TNIP3: variants seen among roughly 807,000 people sequenced by gnomAD.
TNIP3 encodes the protein TNFAIP3 interacting protein 3, also known as TNFAIP3-interacting protein 3.
A neutral mutation model predicts 54.1 loss-of-function variants in TNIP3; 34 were observed. The ratio of observed to expected loss-of-function variants is 0.63; its 90% confidence interval spans 0.48 to 0.84. TNIP3 has a LOEUF of 0.84. Among genes scored for constraint, TNIP3 ranks in the 40% least tolerant of loss-of-function variants. TNIP3 has a pLI of 0.00. For synonymous variants in TNIP3, 134 were observed against 136.8 expected (o/e 0.98, Z 0.14); for missense variants, 366 against 387.6 (o/e 0.94, Z 0.47).
At chr4:121,182,816 A>G (rs879285023) in intron 2 of TNIP3, 1 of 1,533,624 alleles carries the variant, frequency 6.5e-7, no homozygotes, top group African/African-American at 1.4e-5. Flanking sequence ...AAGACATGGG[A>G]AAGTTACATT....
chr4:121,135,675 A>T (rs2148792201), intron 10 of TNIP3, among the ~76,000 whole-genome samples: 1 of 152,358 alleles, frequency 6.6e-6, no homozygotes, highest in East Asian at 1.9e-4. Flanking sequence ...CTGGGATTAT[A>T]GGCATGAGCC....
chr4:121,132,314 A>T lies in TNIP3; in HGVS notation c.*317T>A. ...AAACACTGAGTTGCCTAAATCATAG[A>T]ATCATTTTTGTGCATCCAACAGCAA... On this transcript the variant is annotated 3_prime_UTR_variant, in exon 11 of 11. Coordinates refer to ENST00000057513, the MANE Select transcript of TNIP3 (RefSeq NM_024873.6). The T allele has an allele frequency of 3.1e-6, 1 of 319,944 alleles. No homozygotes were observed. The highest frequency in any genetic ancestry group is 2.1e-5 in the African/African-American group (1 of 46,656). The allele number at this position is 319,944 out of a possible 1,614,324, so 19.8% of individuals were successfully genotyped here. A position where few individuals can be genotyped will look rare whatever the true frequency, so the allele number is the denominator to read the frequency against.
intron 3 of TNIP3, among the ~76,000 whole-genome samples, chr4:121,180,960 C>G (rs930187450): frequency 2.0e-5 from 3 of 152,268 alleles, no homozygotes; most frequent in Admixed American, 2.0e-4. Flanking sequence ...AAAACATCAG[C>G]TAAGAATCTG....
At chr4:121,144,464 C>G (rs1252848146) in intron 7 of TNIP3, among the ~76,000 whole-genome samples, 1 of 152,274 alleles carries the variant, frequency 6.6e-6, no homozygotes, top group East Asian at 1.9e-4. Flanking sequence ...TGCAGTGGCC[C>G]AATCTCGGCT....
intron 3 of TNIP3, among the ~76,000 whole-genome samples, chr4:121,171,240 C>A (rs1359759558): frequency 6.6e-6 from 1 of 152,126 alleles, no homozygotes; most frequent in Non-Finnish European, 1.5e-5. Context: ...AGAATCAAAC[C>A]TTTGAATTTC....
At chr4:121,156,507 A>C (rs1204619932) in intron 4 of TNIP3, among the ~76,000 whole-genome samples, 1 of 152,170 alleles carries the variant, frequency 6.6e-6, no homozygotes, top group Non-Finnish European at 1.5e-5. Context: ...TGGGCAATTC[A>C]ATTTGTTTAC....
chr4:121,219,343 T>C (rs1726937187), upstream of TNIP3, among the ~76,000 whole-genome samples: 2 of 152,222 alleles, frequency 1.3e-5, no homozygotes, highest in African/African-American at 4.8e-5. Context: ...TCCTCCTCCT[T>C]TTCCTCTTTT....
At chr4:121,144,691 C>T (rs559635212) in intron 7 of TNIP3, among the ~76,000 whole-genome samples, 3 of 152,178 alleles carry the variant, frequency 2.0e-5, no homozygotes, top group South Asian at 2.1e-4. Context: ...CATGAGTCAC[C>T]GCACCCGGCC....
intron 2 of TNIP3, among the ~76,000 whole-genome samples, chr4:121,186,525 G>A (rs1725029636): frequency 6.6e-6 from 1 of 152,304 alleles, no homozygotes; most frequent in Admixed American, 6.5e-5. Context: ...ACATAACAGT[G>A]GGACCTAGTG....
At chr4:121,214,760 T>C (rs1455397811) in intron 2 of TNIP3, among the ~76,000 whole-genome samples, 6 of 152,224 alleles carry the variant, frequency 3.9e-5, no homozygotes, top group Non-Finnish European at 7.3e-5. Flanking sequence ...AGGTTGTCAG[T>C]ATAATAACTT....
chr4:121,212,798 G>A (rs1489218879), intron 2 of TNIP3, among the ~76,000 whole-genome samples: 1 of 152,034 alleles, frequency 6.6e-6, no homozygotes, highest in Admixed American at 6.5e-5. Flanking sequence ...TGCCTTTCCA[G>A]AATAGTTTAA....
At chr4:121,196,392 GT>G (rs1188258543) in intron 2 of TNIP3, among the ~76,000 whole-genome samples, 3 of 152,022 alleles carry the variant, frequency 2.0e-5, no homozygotes, top group African/African-American at 7.2e-5. Flanking sequence ...ACAAGTATAG[GT>G]TTTTTTTAAG....
intron 3 of TNIP3, among the ~76,000 whole-genome samples, chr4:121,174,340 G>A (rs560005141): frequency 6.6e-6 from 1 of 152,122 alleles, no homozygotes; most frequent in East Asian, 1.9e-4. Flanking sequence ...AAAATGTTGA[G>A]GTTATAGTGA....
chr4:121,183,986 G>A (rs1367837567), intron 2 of TNIP3, among the ~76,000 whole-genome samples: 1 of 152,062 alleles, frequency 6.6e-6, no homozygotes, highest in East Asian at 1.9e-4. Flanking sequence ...CCCTGCCCCA[G>A]TCCATCGAAA....
rs1728527150 is a variant in TNIP3, at chr4:121,132,422, G to A, written c.*209C>T. On this transcript the variant is annotated 3_prime_UTR_variant, in exon 11 of 11. Transcript: ENST00000057513. ...AGGAAACTGGAAGTTGTATTTGGTT[G>A]TATAATAACTGGCTCCTCCAATTTG... is the stretch of plus-strand genomic sequence containing the variant. 2.1e-6 allele frequency: 1 copy of A among 476,578 alleles called. No individual in the cohort carries two copies. The highest frequency in any genetic ancestry group is 4.5e-5 in the South Asian group (1 of 22,052). The allele number at this position is 476,578 out of a possible 1,614,324, so 29.5% of individuals were successfully genotyped here.
chr4:121,132,625 G>A lies in TNIP3; in HGVS notation c.*6C>T. ...GCCTGTTGTCTCTCTCTGTTAGTGT[G>A]TACTTCTACGGATGGACTTTCTTTA... On this transcript the variant is annotated 3_prime_UTR_variant, in exon 11 of 11. Transcript: ENST00000057513. The A allele has an allele frequency of 6.2e-7, 1 of 1,612,870 alleles. No homozygotes were observed. The highest frequency in any genetic ancestry group is 1.1e-5 in the South Asian group (1 of 91,028).
At chr4:121,142,884 C>A in intron 7 of TNIP3, 108 bp from the exon 8 acceptor site, 1 of 832,386 alleles carries the variant, frequency 1.2e-6, no homozygotes, top group Non-Finnish European at 1.9e-6. Flanking sequence ...GTAATACCAA[C>A]AAAAATAGCC....
chr4:121,170,562 C>A (rs1158959513), intron 3 of TNIP3, among the ~76,000 whole-genome samples: 1 of 151,944 alleles, frequency 6.6e-6, no homozygotes, highest in Non-Finnish European at 1.5e-5. Context: ...TAGTCTTTAG[C>A]CTTCATACAA....
At chr4:121,198,282 G>A (rs902317933) in intron 2 of TNIP3, among the ~76,000 whole-genome samples, 4 of 152,184 alleles carry the variant, frequency 2.6e-5, no homozygotes, top group Admixed American at 1.3e-4. Flanking sequence ...AGGCTGAAAA[G>A]TAGCACATGA....
Sources: allele counts gnomAD v4.1 joint callset (sites outside exome capture counted in the v4.1 genomes callset), GRCh38; gene constraint gnomAD v4.1.1; transcripts MANE v1.5; gene names NCBI Gene and HGNC (gene_info 2026-07-23, HGNC 2026-07-21).